Variants in CEP41 observed in about 807,000 individuals in gnomAD.
The protein encoded by CEP41 is centrosomal protein of 41 kDa.
A neutral mutation model predicts 44.3 loss-of-function variants in CEP41; 32 were observed. The ratio of observed to expected loss-of-function variants is 0.72; its 90% confidence interval spans 0.54 to 0.97. The LOEUF (loss-of-function observed/expected upper bound fraction) is 0.97. Ranked by LOEUF, CEP41 falls within the 50% of genes least tolerant of loss-of-function variation. The probability of loss-of-function intolerance (pLI) is 0.00; values close to 1 mark genes in which losing one functional copy is unlikely to be tolerated. For missense variants in CEP41, 432 were observed against 455.2 expected, an observed-to-expected ratio of 0.95 and a Z score of 0.46; for synonymous variants, 151 against 168.5, an observed-to-expected ratio of 0.90 and a Z score of 0.80.
chr7:130,396,719 T>C lies in CEP41; in HGVS notation c.*2172A>G. ...CATGCAAAACGCAGATTAGAACAGCTCTTTTGAGCATGGTTATTTAAAATC... is the reference window on the plus strand; with the variant it reads ...CATGCAAAACGCAGATTAGAACAGCCCTTTTGAGCATGGTTATTTAAAATC... On this transcript the variant is annotated 3_prime_UTR_variant, in exon 11 of 11. Coordinates refer to ENST00000223208, the MANE Select transcript of CEP41 (RefSeq NM_018718.3). 2.2e-6 allele frequency: 1 copy of C among 454,466 alleles called. No individual in the cohort carries two copies. Among genetic ancestry groups the C allele is most frequent in the Non-Finnish European group, 4.4e-6 (1 of 226,798 alleles). 28.2% of individuals were successfully genotyped at this position (454,466 alleles called of 1,614,324 possible).
chr7:130,395,816 C>T lies in CEP41; in HGVS notation c.*3075G>A, dbSNP rs1190359125. 4.4e-6 allele frequency: 2 copies of T among 452,688 alleles called. No homozygotes were observed. Among genetic ancestry groups the T allele is most frequent in the East Asian group, 1.4e-4 (2 of 14,340 alleles). 28.0% of individuals were successfully genotyped at this position (452,688 alleles called of 1,614,324 possible). The stretch of plus-strand genomic sequence containing the variant: ...GCAACTAATGAATGTTATTTGGTCT[C>T]TTTTCATTCGGATTTATACCAAGCC... On this transcript the variant is annotated 3_prime_UTR_variant, in exon 11 of 11. Transcript: ENST00000223208.
intron 2 of CEP41, chr7:130,419,778 C>T: frequency 1.0e-6 from 1 of 985,360 alleles, no homozygotes; most frequent in Non-Finnish European, 1.2e-6. Context: ...CTTAGTCTTG[C>T]ATTCTCTAAC....
At chr7:130,438,293 C>T (rs1554426693) in intron 1 of CEP41, among the ~76,000 whole-genome samples, 1 of 152,188 alleles carries the variant, frequency 6.6e-6, no homozygotes, top group East Asian at 1.9e-4. Context: ...CGCGGTGGCT[C>T]ATGCCTGTAA....
At chr7:130,441,037 A>C (rs1299534316), upstream of CEP41, 2 of 1,549,152 alleles carry the variant, frequency 1.3e-6, no homozygotes, top group African/African-American at 2.7e-5. Context: ...TCCTACCCCC[A>C]CAACCTTGTT....
In CEP41 at chr7:130,395,684, A is replaced by AT. The variant is rs1796636969; in HGVS notation, c.*3206dup. 1 of 453,694 alleles carries AT rather than the reference A, an allele frequency of 2.2e-6. No homozygotes were observed. The highest frequency in any genetic ancestry group is 1.6e-5 in the South Asian group (1 of 64,376). The allele number at this position is 453,694 out of a possible 1,614,324, so 28.1% of individuals were successfully genotyped here. On this transcript the variant is annotated 3_prime_UTR_variant, in exon 11 of 11. Coordinates refer to ENST00000223208, the MANE Select transcript of CEP41 (RefSeq NM_018718.3). ...GATTTCACTTACATTCCACAAGGGA[A>AT]TTAGAGAAAACACGATTTTTTGTTT...
chr7:130,397,944 G>A lies in CEP41; in HGVS notation c.*947C>T, dbSNP rs782392203. On this transcript the variant is annotated 3_prime_UTR_variant, in exon 11 of 11. Coordinates refer to ENST00000223208, the MANE Select transcript of CEP41 (RefSeq NM_018718.3). ...ACTGTATTTCTAAGCAAGGGCTTAC[G>A]AGGTTGTCAGCCCTGACAAAGGACT... 65 of 454,400 alleles carry A rather than the reference G, an allele frequency of 1.4e-4. No individual in the cohort carries two copies. Among genetic ancestry groups the A allele is most frequent in the South Asian group, 8.1e-4 (52 of 64,482 alleles). The allele number at this position is 454,400 out of a possible 1,614,324, so 28.1% of individuals were successfully genotyped here.
At chr7:130,399,819 C>CAAAA (rs34927892) in intron 10 of CEP41, 202 of 401,174 alleles carry the variant, frequency 5.0e-4, no homozygotes, top group Middle Eastern at 1.4e-3. Flanking sequence ...GACTCTGTCT[C>CAAAA]AAAAAAAAAA....
At chr7:130,415,909 G>A (rs1797321898) in intron 3 of CEP41, among the ~76,000 whole-genome samples, 1 of 152,224 alleles carries the variant, frequency 6.6e-6, no homozygotes, top group Admixed American at 6.5e-5. Flanking sequence ...GAAGGATACT[G>A]TGGCATTACA....
chr7:130,396,236 C>T lies in CEP41; in HGVS notation c.*2655G>A, dbSNP rs1054609748. On this transcript the variant is annotated 3_prime_UTR_variant, in exon 11 of 11. Coordinates refer to ENST00000223208, the MANE Select transcript of CEP41 (RefSeq NM_018718.3). The stretch of plus-strand genomic sequence containing the variant: ...CACCTTCTGTCTCAGGGTTCACAAG[C>T]CCCAGACAAGGGCAGCTAGTCAACC... 1.8e-5 allele frequency: 8 copies of T among 454,068 alleles called. No homozygotes were observed. Among genetic ancestry groups the T allele is most frequent in the Non-Finnish European group, 3.1e-5 (7 of 226,782 alleles). The allele number at this position is 454,068 out of a possible 1,614,324, so 28.1% of individuals were successfully genotyped here.
chr7:130,411,243 C>G, intron 4 of CEP41, 52 bp from the exon 5 acceptor site: 1 of 1,456,756 alleles, frequency 6.9e-7, no homozygotes, highest in East Asian at 2.3e-5. Flanking sequence ...TTTAAACAGA[C>G]GCAATTTTGT....
Position 130,400,510 on chromosome 7 carries a change from A to C in CEP41, c.757+197T>G, listed in dbSNP as rs185840592. 4.1e-4 allele frequency: 263 copies of C among 641,272 alleles called. 1 individual carries two copies. The African/African-American group carries it at 4.4e-3, about 11-fold the overall frequency. The allele number at this position is 641,272 out of a possible 1,614,324, so 39.7% of individuals were successfully genotyped here. On this transcript the variant is annotated intron_variant, in intron 9 of 10. Coordinates refer to ENST00000223208, the MANE Select transcript of CEP41 (RefSeq NM_018718.3). ...ATTAGGGCTTTGTGACAGAGCCCTG[A>C]AGCAACATCAGGAATTAAAAACATG...
intron 1 of CEP41, among the ~76,000 whole-genome samples, chr7:130,435,389 AAACAAAAACTC>A (rs1797932384): frequency 6.6e-6 from 1 of 152,152 alleles, no homozygotes; most frequent in Admixed American, 6.5e-5. Context: ...ACACAAAAGG[AAACAAAAACTC>A]AACAGTTAAG....
At chr7:130,399,239 T>C (rs1796768283) in intron 10 of CEP41, 200 bp from the exon 11 acceptor site, 1 of 640,440 alleles carries the variant, frequency 1.6e-6, no homozygotes, top group Admixed American at 2.8e-5. Context: ...GGGACAGAAA[T>C]GAAGGGAAAC....
intron 5 of CEP41, among the ~76,000 whole-genome samples, chr7:130,410,599 A>G (rs1554419384): frequency 6.6e-6 from 1 of 152,188 alleles, no homozygotes; most frequent in African/African-American, 2.4e-5. Context: ...AGAGTTTTTA[A>G]GAAGCTTAAG....
At chr7:130,414,251 TACA>T (rs1329530578) in intron 3 of CEP41, among the ~76,000 whole-genome samples, 1 of 152,226 alleles carries the variant, frequency 6.6e-6, no homozygotes, top group African/African-American at 2.4e-5. Flanking sequence ...TGCTTCTGGA[TACA>T]ACAAGGTAAC....
chr7:130,411,244 G>C lies in CEP41; in HGVS notation c.208-53C>G, dbSNP rs1436574042. The C allele has an allele frequency of 3.2e-5, 46 of 1,443,312 alleles. No homozygotes were observed. The Admixed American group carries it at 7.5e-4, about 24-fold the overall frequency. 89.4% of individuals were successfully genotyped at this position (1,443,312 alleles called of 1,614,324 possible). A position where few individuals can be genotyped will look rare whatever the true frequency, so the allele number is the denominator to read the frequency against. ...GATGTTTGTTTGTTTTTAAACAGAC[G>C]CAATTTTGTCTTTTACAAAAGACGA... On this transcript the variant is annotated intron_variant, in intron 4 of 10. Transcript: ENST00000223208.
intron 2 of CEP41, among the ~76,000 whole-genome samples, chr7:130,417,585 T>C (rs1554421146): frequency 3.9e-5 from 6 of 152,198 alleles, no homozygotes; most frequent in Admixed American, 3.9e-4. Context: ...CCAGCCCTCA[T>C]GTTTTATAGT....
rs1333583538 is a variant in CEP41, at chr7:130,398,474, A to G, written c.*417T>C. ...CGGAGAAGCCTTCATGAAGTCAAGA[A>G]CAGTGAATGAAAAGGTGGCAGGGAC... is the stretch of plus-strand genomic sequence containing the variant. On this transcript the variant is annotated 3_prime_UTR_variant, in exon 11 of 11. Coordinates refer to ENST00000223208, the MANE Select transcript of CEP41 (RefSeq NM_018718.3). The G allele has an allele frequency of 4.4e-6, 2 of 455,082 alleles. No individual in the cohort carries two copies. The highest frequency in any genetic ancestry group is 8.8e-6 in the Non-Finnish European group (2 of 227,396). The allele number at this position is 455,082 out of a possible 1,614,324, so 28.2% of individuals were successfully genotyped here.
chr7:130,425,461 A>G (rs1398263162), intron 2 of CEP41, among the ~76,000 whole-genome samples: 3 of 152,212 alleles, frequency 2.0e-5, no homozygotes, highest in African/African-American at 7.2e-5. Flanking sequence ...ATGCCACCAC[A>G]CAGCTATCAG....
Sources: allele counts gnomAD v4.1 joint callset (sites outside exome capture counted in the v4.1 genomes callset), GRCh38; gene constraint gnomAD v4.1.1; transcripts MANE v1.5; gene names NCBI Gene and HGNC (gene_info 2026-07-23, HGNC 2026-07-21).